Variants in ERC2 observed in about 807,000 individuals in gnomAD.
ERC2 encodes the protein ERC protein 2.
Under a neutral mutation model 114.8 loss-of-function variants are expected in ERC2, and 42 were observed. The observed-to-expected ratio is 0.37, with a 90% CI of 0.29 to 0.47. ERC2 has a LOEUF of 0.47. Among genes scored for constraint, ERC2 ranks in the 20% least tolerant of loss-of-function variants. ERC2 has a pLI of 0.99. For missense variants in ERC2, 939 were observed against 1,150.7 expected, an observed-to-expected ratio of 0.82 and a Z score of 2.66; for synonymous variants, 454 against 425.5, an observed-to-expected ratio of 1.07 and a Z score of -0.82.
chr3:56,398,642 A>G (rs2060405361), intron 2 of ERC2, among the ~76,000 whole-genome samples: 2 of 152,008 alleles, frequency 1.3e-5, no homozygotes. Context: ...TTGTTTTTTT[A>G]GAGACAGGCT....
chr3:55,566,122 T>A (rs1421958981), intron 17 of ERC2, among the ~76,000 whole-genome samples: 1 of 152,214 alleles, frequency 6.6e-6, no homozygotes, highest in African/African-American at 2.4e-5. Flanking sequence ...CTATGGTATA[T>A]CAAGAGCATC....
At chr3:56,442,540 C>T (rs1034461305) in intron 1 of ERC2, among the ~76,000 whole-genome samples, 1 of 152,060 alleles carries the variant, frequency 6.6e-6, no homozygotes, top group Admixed American at 6.6e-5. Context: ...TTATTAAGTA[C>T]CAACATTGTG....
intron 17 of ERC2, among the ~76,000 whole-genome samples, chr3:55,547,112 CA>C (rs1215057272): frequency 6.6e-6 from 1 of 152,256 alleles, no homozygotes; most frequent in Non-Finnish European, 1.5e-5. Context: ...GCAAAGACAG[CA>C]GGGGATGCGT....
intron 2 of ERC2, among the ~76,000 whole-genome samples, chr3:56,349,423 A>G (rs139305543): frequency 4.8e-4 from 73 of 152,376 alleles, no homozygotes; most frequent in Middle Eastern, 3.4e-3. Context: ...CGCTGGCTCT[A>G]TAATTACCAG....
chr3:56,144,088 G>C (rs2081014503), intron 5 of ERC2, among the ~76,000 whole-genome samples: 1 of 152,222 alleles, frequency 6.6e-6, no homozygotes, highest in Admixed American at 6.5e-5. Flanking sequence ...AGGATCCTAA[G>C]TATGTTTAAA....
chr3:55,706,317 C>G (rs2063483245), intron 15 of ERC2, among the ~76,000 whole-genome samples: 2 of 152,142 alleles, frequency 1.3e-5, no homozygotes. Context: ...CTGGAGATCA[C>G]TTCTCAAATA....
At chr3:55,798,696 A>G (rs559187874) in intron 14 of ERC2, among the ~76,000 whole-genome samples, 18 of 152,286 alleles carry the variant, frequency 1.2e-4, no homozygotes, top group Admixed American at 1.1e-3. Context: ...GAAGCCAGAC[A>G]TTAGTGGAAT....
chr3:55,795,385 G>T (rs981740309), intron 14 of ERC2, among the ~76,000 whole-genome samples: 2 of 152,152 alleles, frequency 1.3e-5, no homozygotes, highest in African/African-American at 4.8e-5. Context: ...ATTGAGAATG[G>T]AACCTTCCTA....
At chr3:55,562,642 G>A (rs1487342794) in intron 17 of ERC2, among the ~76,000 whole-genome samples, 1 of 152,092 alleles carries the variant, frequency 6.6e-6, no homozygotes, top group Non-Finnish European at 1.5e-5. Context: ...GAGGGTTTGT[G>A]CAACACCAAA....
At chr3:55,929,151 A>G (rs1363014052) in intron 13 of ERC2, among the ~76,000 whole-genome samples, 1 of 152,072 alleles carries the variant, frequency 6.6e-6, no homozygotes, top group East Asian at 1.9e-4. Flanking sequence ...CTATCTACTG[A>G]TTGCTGGGTC....
At chr3:55,731,110 T>TG (rs2148911118) in intron 15 of ERC2, among the ~76,000 whole-genome samples, 1 of 152,350 alleles carries the variant, frequency 6.6e-6, no homozygotes, top group East Asian at 1.9e-4. Context: ...ACAGGCGCTA[T>TG]GGGCCTCTTC....
intron 2 of ERC2, among the ~76,000 whole-genome samples, chr3:56,367,463 C>T (rs554579906): frequency 1.6e-4 from 24 of 151,844 alleles, no homozygotes; most frequent in African/African-American, 5.6e-4. Context: ...TCCTTCTGCA[C>T]CTCTCTCAAC....
At chr3:56,257,701 C>A (rs1473493436) in intron 3 of ERC2, among the ~76,000 whole-genome samples, 1 of 152,208 alleles carries the variant, frequency 6.6e-6, no homozygotes, top group Non-Finnish European at 1.5e-5. Context: ...TTAGTCAACT[C>A]CAGTCATATT....
At chr3:55,910,572 C>G (rs2064743561) in intron 13 of ERC2, among the ~76,000 whole-genome samples, 1 of 152,088 alleles carries the variant, frequency 6.6e-6, no homozygotes, top group Non-Finnish European at 1.5e-5. Flanking sequence ...ATCAATACCC[C>G]AAAACTAATT....
At chr3:56,240,130 C>T (rs969809740) in intron 3 of ERC2, among the ~76,000 whole-genome samples, 1 of 152,192 alleles carries the variant, frequency 6.6e-6, no homozygotes, top group African/African-American at 2.4e-5. Context: ...TATTCTAACA[C>T]CTGTTCTTAA....
intron 17 of ERC2, among the ~76,000 whole-genome samples, chr3:55,557,765 G>A (rs150422684): frequency 6.6e-5 from 10 of 152,274 alleles, no homozygotes; most frequent in African/African-American, 2.2e-4. Flanking sequence ...ATTCCCTATG[G>A]CTTCCAGCCA....
chr3:56,129,790 A>G (rs1396406078), intron 6 of ERC2, among the ~76,000 whole-genome samples: 1 of 152,226 alleles, frequency 6.6e-6, no homozygotes, highest in Non-Finnish European at 1.5e-5. Flanking sequence ...AAAGAAAATA[A>G]AGAGCTCTGA....
chr3:56,040,673 T>TGTATATGTATATATACATATATAGAG (rs2075125428), intron 7 of ERC2, among the ~76,000 whole-genome samples: 1 of 140,896 alleles, frequency 7.1e-6, no homozygotes, highest in Non-Finnish European at 1.5e-5. Context: ...CATATATAGA[T>TGTATATGTATATATACATATATAGAG]AGATACATAT....
At chr3:56,078,784 G>T (rs1247298151) in intron 7 of ERC2, among the ~76,000 whole-genome samples, 1 of 151,230 alleles carries the variant, frequency 6.6e-6, no homozygotes, top group South Asian at 2.1e-4. Flanking sequence ...ACATACGGGG[G>T]AAAAGTCTGC....
Sources: gnomAD v4.1 joint callset for allele counts (sites outside exome capture counted in the v4.1 genomes callset) on GRCh38, gnomAD v4.1.1 for gene constraint, MANE v1.5 for transcripts, NCBI Gene and HGNC (gene_info 2026-07-23, HGNC 2026-07-21) for gene names.